Variants in CHL1 observed in about 807,000 individuals in gnomAD.
CHL1 encodes the protein neural cell adhesion molecule L1-like protein.
In CHL1, 96 loss-of-function variants were observed where a neutral mutation model predicts 141.9. The ratio of observed to expected loss-of-function variants is 0.68; its 90% CI spans 0.57 to 0.80. The LOEUF (loss-of-function observed/expected upper bound fraction) is 0.80, where lower values mean the gene tolerates loss of function less well. Ranked by LOEUF, CHL1 falls within the 30% of genes least tolerant of loss-of-function variation. The probability of loss-of-function intolerance (pLI) is 0.00; values close to 1 mark genes in which losing one functional copy is unlikely to be tolerated. For synonymous variants in CHL1, 613 were observed against 502.2 expected, an observed-to-expected ratio of 1.22 and a Z score of -2.95; for missense variants, 1,820 against 1,457.2, an observed-to-expected ratio of 1.25 and a Z score of -4.05.
intron 1 of CHL1, among the ~76,000 whole-genome samples, chr3:224,827 G>C (rs1303095560): frequency 6.6e-6 from 1 of 152,192 alleles, no homozygotes; most frequent in Non-Finnish European, 1.5e-5. Flanking sequence ...GGATAGAAAA[G>C]TGGAAAATAT....
chr3:378,002 G>T (rs368873266), intron 16 of CHL1, 60 bp downstream of exon 16: 4 of 1,431,504 alleles, frequency 2.8e-6, no homozygotes, highest in Non-Finnish European at 2.8e-6. Context: ...AAATCCCATC[G>T]TTCCTGGCCA....
intron 19 of CHL1, among the ~76,000 whole-genome samples, chr3:387,626 C>T (rs1707861480): frequency 6.6e-6 from 1 of 152,106 alleles, no homozygotes; most frequent in Non-Finnish European, 1.5e-5. Context: ...ATATTATTTG[C>T]ACACACTTAT....
intron 2 of CHL1, among the ~76,000 whole-genome samples, chr3:275,688 A>C (rs1696032740): frequency 6.6e-6 from 1 of 152,198 alleles, no homozygotes; most frequent in Admixed American, 6.5e-5. Flanking sequence ...TATATTCATG[A>C]GAATTTTGAA....
intron 15 of CHL1, among the ~76,000 whole-genome samples, chr3:367,075 G>C (rs1342480809): frequency 6.6e-6 from 1 of 152,198 alleles, no homozygotes; most frequent in Non-Finnish European, 1.5e-5. Context: ...AGAACATATA[G>C]AGGAAAGTGT....
intron 9 of CHL1, among the ~76,000 whole-genome samples, chr3:346,231 C>G (rs73817638): frequency 0.029 from 4,342 of 152,278 alleles, 176 homozygotes; most frequent in African/African-American, 0.089. Context: ...AGTTGCTTGT[C>G]TGTCTTCAAC....
chr3:366,192 C>T lies in CHL1; in HGVS notation c.1751+77C>T, dbSNP rs1559316227. The T allele has an allele frequency of 1.6e-5, 23 of 1,412,242 alleles. No homozygotes were observed. The South Asian group carries it at 1.7e-4, about 10-fold the overall frequency. 87.5% of individuals were successfully genotyped at this position (1,412,242 alleles called of 1,614,324 possible). The stretch of plus-strand genomic sequence containing the variant: ...GCATTTGATTTAAAAAGTTCTAGGT[C>T]GGGCATGCTGACTCACGCTTGTAAT... On this transcript the variant is annotated intron_variant, in intron 15 of 27. Coordinates refer to ENST00000256509, the MANE Select transcript of CHL1 (RefSeq NM_006614.4).
chr3:399,040 A>G lies in CHL1; in HGVS notation c.3277A>G (p.Ile1093Val). The G allele has an allele frequency of 6.2e-7, 1 of 1,613,198 alleles. No individual in the cohort carries two copies. Among genetic ancestry groups the G allele is most frequent in the African/African-American group, 1.3e-5 (1 of 75,032 alleles). ...AGAATATGCTGGTTTATATGATGACATCTCCACTCAAGGCTGGTTTATTGG... is the reference window on the plus strand; with the variant it reads ...AGAATATGCTGGTTTATATGATGACGTCTCCACTCAAGGCTGGTTTATTGG... ...GREYAGLYDD[I>V]STQGWFIGLM... Residue 1093 changes from isoleucine to valine, a missense_variant, in exon 26 of 28, where the codon ATC becomes GTC. Ile to Val is a conservative substitution (Grantham distance 29). Coordinates refer to ENST00000256509, the MANE Select transcript of CHL1 (RefSeq NM_006614.4).
At chr3:299,917 A>G (rs182673517) in intron 2 of CHL1, among the ~76,000 whole-genome samples, 113 of 152,270 alleles carry the variant, frequency 7.4e-4, no homozygotes, top group African/African-American at 2.6e-3. Flanking sequence ...TCTCCATTCC[A>G]TCGAGATTGC....
intron 24 of CHL1, among the ~76,000 whole-genome samples, chr3:396,563 C>T (rs1457356635): frequency 6.6e-6 from 1 of 152,136 alleles, no homozygotes; most frequent in Admixed American, 6.6e-5. Context: ...GATGAAAGTG[C>T]TGTTCATGTG....
chr3:269,297 A>G (rs780797588), intron 2 of CHL1, among the ~76,000 whole-genome samples: 1 of 152,182 alleles, frequency 6.6e-6, no homozygotes, highest in Non-Finnish European at 1.5e-5. Context: ...AAGGGCTCCA[A>G]CTTAATCATT....
intron 2 of CHL1, among the ~76,000 whole-genome samples, chr3:252,502 G>T (rs972221414): frequency 1.3e-5 from 2 of 150,006 alleles, no homozygotes; most frequent in Admixed American, 1.3e-4. Context: ...AACACATATT[G>T]AATATATTAA....
Position 328,168 on chromosome 3 carries a change from T to A in CHL1, c.199T>A (p.Phe67Ile). ...ATTAAGTTCAGTTTTATGTTTTAGA[T>A]TTTCGTGGACTAAGGATGGCAACCC... ...CEAKGNPEPT[F>I]SWTKDGNPFY... is the part of the protein sequence containing the mutation. Residue 67 changes from phenylalanine to isoleucine, a missense_variant and splice_region_variant, in exon 5 of 28, where the codon TTT becomes ATT. Physicochemically the swap from Phe to Ile is conservative, Grantham distance 21. Transcript: ENST00000256509. 6.2e-7 allele frequency: 1 copy of A among 1,602,864 alleles called. No individual in the cohort carries two copies. Among genetic ancestry groups the A allele is most frequent in the South Asian group, 1.1e-5 (1 of 89,090 alleles).
chr3:332,258 C>G (rs1272020997), intron 5 of CHL1, among the ~76,000 whole-genome samples: 1 of 151,982 alleles, frequency 6.6e-6, no homozygotes, highest in African/African-American at 2.4e-5. Flanking sequence ...ATATGTTGAG[C>G]AATAAAAGTA....
At chr3:278,631 C>T (rs753352366) in intron 2 of CHL1, among the ~76,000 whole-genome samples, 7 of 152,032 alleles carry the variant, frequency 4.6e-5, no homozygotes, top group African/African-American at 1.4e-4. Context: ...TTTGCTTATC[C>T]GTAAAAAGGA....
chr3:377,073 A>G (rs1187118531), intron 15 of CHL1, among the ~76,000 whole-genome samples: 2 of 152,242 alleles, frequency 1.3e-5, no homozygotes, highest in Non-Finnish European at 2.9e-5. Flanking sequence ...ATTATTATGA[A>G]TACATTTTAA....
intron 1 of CHL1, among the ~76,000 whole-genome samples, chr3:243,573 G>T (rs1200068198): frequency 1.3e-5 from 2 of 152,134 alleles, no homozygotes; most frequent in Non-Finnish European, 2.9e-5. Flanking sequence ...TACTTGCCAG[G>T]GTGGAATTCT....
At chr3:322,525 G>A (rs1425017519) in intron 3 of CHL1, among the ~76,000 whole-genome samples, 1 of 150,626 alleles carries the variant, frequency 6.6e-6, no homozygotes, top group Non-Finnish European at 1.5e-5. Context: ...AAAGTAATGA[G>A]GGCTGGGCGT....
At chr3:365,894 A>C in intron 14 of CHL1, 56 bp from the exon 15 acceptor site, 1 of 1,453,352 alleles carries the variant, frequency 6.9e-7, no homozygotes, top group Non-Finnish European at 9.5e-7. Context: ...GCAGGCACTT[A>C]ATAACAAAGT....
At chr3:356,418 G>T (rs1703719758) in intron 11 of CHL1, among the ~76,000 whole-genome samples, 1 of 152,068 alleles carries the variant, frequency 6.6e-6, no homozygotes, top group African/African-American at 2.4e-5. Context: ...AATATTTATG[G>T]GGTACTTTCT....
Sources: gnomAD v4.1 joint callset for allele counts (sites outside exome capture counted in the v4.1 genomes callset) on GRCh38, gnomAD v4.1.1 for gene constraint, MANE v1.5 for transcripts, NCBI Gene and HGNC (gene_info 2026-07-23, HGNC 2026-07-21) for gene names.